The following MYO3A variants were observed in gnomAD, a reference collection of about 807,000 sequenced individuals.
MYO3A encodes the protein myosin IIIA.
MYO3A carries 180 observed loss-of-function variants against 192.7 expected under a neutral mutation model. That is an observed-to-expected ratio of 0.93 (90% CI 0.83 to 1.06). The LOEUF (loss-of-function observed/expected upper bound fraction) is 1.06, where lower values mean the gene tolerates loss of function less well. Ranked by LOEUF, MYO3A falls within the 50% of genes least tolerant of loss-of-function variation. The probability of loss-of-function intolerance (pLI) is 0.00; values close to 1 mark genes in which losing one functional copy is unlikely to be tolerated. For synonymous variants in MYO3A, 628 were observed against 645.3 expected (o/e 0.97, Z 0.41); for missense variants, 1,896 against 1,905.0 (o/e 1.00, Z 0.09).
At chr10:26,089,107 T>C in intron 15 of MYO3A, among the ~76,000 whole-genome samples, 1 of 152,244 alleles carries the variant, frequency 6.6e-6, no homozygotes, top group East Asian at 1.9e-4. Flanking sequence ...GGTTTTATGC[T>C]AAACATACTC....
intron 23 of MYO3A, among the ~76,000 whole-genome samples, chr10:26,151,119 T>A (rs1023261681): frequency 6.6e-6 from 1 of 152,202 alleles, no homozygotes; most frequent in Non-Finnish European, 1.5e-5. Flanking sequence ...TTTATTTTCA[T>A]TTGCACTTGA....
At chr10:26,020,230 C>T (rs1281874703) in intron 7 of MYO3A, among the ~76,000 whole-genome samples, 2 of 152,206 alleles carry the variant, frequency 1.3e-5, no homozygotes, top group Admixed American at 1.3e-4. Flanking sequence ...CAACTCCTTG[C>T]CTCCTCTCAA....
At chr10:26,143,224 G>A (rs1564591069) in intron 20 of MYO3A, among the ~76,000 whole-genome samples, 5 of 152,194 alleles carry the variant, frequency 3.3e-5, no homozygotes, top group East Asian at 3.9e-4. Flanking sequence ...CCAGCTACTC[G>A]GGAAGCTGAG....
chr10:26,055,742 A>G (rs1844276573), intron 10 of MYO3A, among the ~76,000 whole-genome samples: 1 of 152,184 alleles, frequency 6.6e-6, no homozygotes, highest in African/African-American at 2.4e-5. Flanking sequence ...TGTCCTTCCT[A>G]AGGAATAGGA....
intron 27 of MYO3A, among the ~76,000 whole-genome samples, chr10:26,166,492 G>A (rs1444973290): frequency 1.3e-5 from 2 of 152,054 alleles, no homozygotes; most frequent in Non-Finnish European, 2.9e-5. Flanking sequence ...CAATAGCTAT[G>A]ATCACACCAC....
intron 10 of MYO3A, among the ~76,000 whole-genome samples, chr10:26,040,495 G>C (rs1168622263): frequency 1.3e-5 from 2 of 152,064 alleles, no homozygotes; most frequent in Non-Finnish European, 2.9e-5. Flanking sequence ...GTAAATGAAA[G>C]TACCACTACC....
intron 10 of MYO3A, among the ~76,000 whole-genome samples, chr10:26,047,647 C>T (rs948765502): frequency 3.9e-5 from 6 of 151,916 alleles, no homozygotes; most frequent in South Asian, 2.1e-4. Flanking sequence ...TGGTGGCAGG[C>T]GCCTGTAGTC....
intron 17 of MYO3A, among the ~76,000 whole-genome samples, chr10:26,108,595 C>G (rs1416771752): frequency 6.6e-6 from 1 of 152,148 alleles, no homozygotes; most frequent in Non-Finnish European, 1.5e-5. Flanking sequence ...AGACTATCAG[C>G]AATAACTTTA....
rs578077983 is a variant in MYO3A at position 25,942,919 on chromosome 10, A to C, written c.-18+7089A>C. The stretch of plus-strand genomic sequence containing the variant: ...TCACTCTGTTGTTAATGTTTTGTAC[A>C]TTCCTTGATATCCAAAAGTTTTGGT... On this transcript the variant is annotated intron_variant, in intron 2 of 34. Transcript: ENST00000642920. 9.2e-5 allele frequency among the ~76,000 whole-genome samples: 14 copies of C among 151,688 alleles called. No individual in the cohort carries two copies. In the South Asian group the frequency reaches 2.7e-3, roughly 29 times the overall value.
chr10:26,023,005 C>T (rs1165568550), intron 8 of MYO3A: 1 of 152,160 alleles, frequency 6.6e-6, no homozygotes, highest in Non-Finnish European at 1.5e-5. Flanking sequence ...ATAATCCAAA[C>T]TTTGTTATTC....
chr10:26,062,410 G>A lies in MYO3A; in HGVS notation c.954-4565G>A, dbSNP rs553232202. ...AGCGCGCCTGTAGTCTCAGCTACTC[G>A]GGAGGCTGAGGCAGGAGAATTGCTT... is the stretch of plus-strand genomic sequence containing the variant. On this transcript the variant is annotated intron_variant, in intron 10 of 34. Coordinates refer to ENST00000642920, the MANE Select transcript of MYO3A (RefSeq NM_017433.5). 3.1e-4 allele frequency among the ~76,000 whole-genome samples: 46 copies of A among 150,020 alleles called. No individual in the cohort carries two copies. In the East Asian group the frequency reaches 8.0e-3, roughly 26 times the overall value.
chr10:26,104,774 A>C lies in MYO3A; in HGVS notation c.1776+8092A>C, dbSNP rs1302704534. Among the ~76,000 whole-genome samples, 11 of 151,804 alleles carry C rather than the reference A, an allele frequency of 7.2e-5. 1 individual carries two copies. ...CCCCATCTTACCTCCTTAAATCTAC[A>C]TCTGCTCTCTTTCTCCTCCCCTAGT... On this transcript the variant is annotated intron_variant, in intron 17 of 34. Transcript: ENST00000642920.
intron 31 of MYO3A, among the ~76,000 whole-genome samples, chr10:26,190,025 T>C (rs771818542): frequency 1.3e-4 from 19 of 151,874 alleles, no homozygotes; most frequent in Non-Finnish European, 2.2e-4. Flanking sequence ...ATTGCACCAT[T>C]GCACTCCAGC....
chr10:26,070,923 T>C (rs1835165417), intron 14 of MYO3A, among the ~76,000 whole-genome samples: 1 of 152,096 alleles, frequency 6.6e-6, no homozygotes, highest in Non-Finnish European at 1.5e-5. Context: ...CGAAGAGATA[T>C]AACATGATCA....
chr10:26,148,538 C>G (rs1447113709), intron 23 of MYO3A, among the ~76,000 whole-genome samples: 2 of 152,114 alleles, frequency 1.3e-5, no homozygotes, highest in Admixed American at 1.3e-4. Flanking sequence ...ACCAAAAATC[C>G]TGGTTGGGTT....
intron 7 of MYO3A, among the ~76,000 whole-genome samples, chr10:26,018,937 A>G (rs1325585497): frequency 6.6e-6 from 1 of 152,248 alleles, no homozygotes; most frequent in East Asian, 1.9e-4. Context: ...ATATTAGACA[A>G]CAGAATGAGA....
At chr10:26,197,906 T>G (rs1452962642) in intron 32 of MYO3A, among the ~76,000 whole-genome samples, 1 of 152,198 alleles carries the variant, frequency 6.6e-6, no homozygotes, top group Non-Finnish European at 1.5e-5. Context: ...TCTACTTGTC[T>G]CCTGTGTGAC....
intron 34 of MYO3A, among the ~76,000 whole-genome samples, chr10:26,208,047 T>C (rs933676731): frequency 2.0e-5 from 3 of 146,526 alleles, no homozygotes; most frequent in African/African-American, 5.1e-5. Context: ...GAGATTGTTT[T>C]CTTGATTTTT....
At chr10:26,117,768 G>A (rs1838603189) in intron 17 of MYO3A, among the ~76,000 whole-genome samples, 1 of 152,132 alleles carries the variant, frequency 6.6e-6, no homozygotes, top group Non-Finnish European at 1.5e-5. Context: ...TTGATTCCAT[G>A]TCTTTGCTAT....
Sources: gnomAD v4.1 joint callset for allele counts (sites outside exome capture counted in the v4.1 genomes callset) on GRCh38, gnomAD v4.1.1 for gene constraint, MANE v1.5 for transcripts, NCBI Gene and HGNC (gene_info 2026-07-23, HGNC 2026-07-21) for gene names.